SPTLC2: variants seen among roughly 807,000 people sequenced by gnomAD.
The protein encoded by SPTLC2 is serine palmitoyltransferase long chain base subunit 2.
A neutral mutation model predicts 62.0 loss-of-function variants in SPTLC2; 21 were observed. The ratio of observed to expected loss-of-function variants is 0.34; its 90% CI spans 0.24 to 0.49. The LOEUF is 0.49. Among genes scored for constraint, SPTLC2 ranks in the 20% least tolerant of loss-of-function variants. The probability of loss-of-function intolerance (pLI) is 0.99; values close to 1 mark genes in which losing one functional copy is unlikely to be tolerated. For synonymous variants in SPTLC2, 261 were observed against 261.8 expected, an observed-to-expected ratio of 1.00 and a Z score of 0.03; for missense variants, 511 against 713.0, an observed-to-expected ratio of 0.72 and a Z score of 3.23.
chr14:77,598,266 G>A (rs996810130), intron 1 of SPTLC2, among the ~76,000 whole-genome samples: 6 of 152,092 alleles, frequency 3.9e-5, no homozygotes, highest in Admixed American at 3.9e-4. Context: ...AAGAAGGACT[G>A]CATAAGAACA....
At chr14:77,570,276 A>T (rs1403571309) in intron 5 of SPTLC2, 108 bp downstream of exon 5, 2 of 1,433,678 alleles carry the variant, frequency 1.4e-6, no homozygotes, top group Admixed American at 1.9e-5. Flanking sequence ...CTTTGGCTAA[A>T]CTATGTTTAG....
At chr14:77,548,702 A>G (rs1566776350) in intron 9 of SPTLC2, among the ~76,000 whole-genome samples, 1 of 152,136 alleles carries the variant, frequency 6.6e-6, no homozygotes, top group East Asian at 1.9e-4. Context: ...AGATCTGTCA[A>G]CCTAGTCATA....
chr14:77,599,730 A>T lies in SPTLC2; in HGVS notation c.133-2350T>A, dbSNP rs747923673. On this transcript the variant is annotated intron_variant, in intron 1 of 11. Coordinates refer to ENST00000216484, the MANE Select transcript of SPTLC2 (RefSeq NM_004863.4). ...ACTTTTAAATGGGAGTAAGACTGTA[A>T]TGTGTTTAGAACAGAATACCTAAAA... Among the ~76,000 whole-genome samples, 21 of 152,370 alleles carry T rather than the reference A, an allele frequency of 1.4e-4. No individual in the cohort carries two copies. In the East Asian group the frequency reaches 3.5e-3, roughly 25 times the overall value.
intron 4 of SPTLC2, 131 bp from the exon 5 acceptor site, chr14:77,570,639 TTATGAAGAGTAA>T: frequency 3.9e-6 from 4 of 1,021,532 alleles, no homozygotes; most frequent in Non-Finnish European, 4.4e-6. Context: ...GGAGTCAATA[TTATGAAGAGTAA>T]TATTCTTCAT....
chr14:77,606,823 CACA>C (rs1342509304), intron 1 of SPTLC2, among the ~76,000 whole-genome samples: 4 of 152,070 alleles, frequency 2.6e-5, no homozygotes, highest in Non-Finnish European at 5.9e-5. Flanking sequence ...CCTATCTCTA[CACA>C]ACATTTTCAA....
intron 11 of SPTLC2, among the ~76,000 whole-genome samples, chr14:77,514,018 TAGTA>T (rs1480938358): frequency 6.7e-6 from 1 of 150,218 alleles, no homozygotes; most frequent in African/African-American, 2.5e-5. Context: ...CTGGGCAACA[TAGTA>T]AGACCTCGTC....
chr14:77,610,777 G>A (rs2079931156), intron 1 of SPTLC2, among the ~76,000 whole-genome samples: 2 of 151,640 alleles, frequency 1.3e-5, no homozygotes, highest in South Asian at 4.2e-4. Context: ...TGGGTGCGGT[G>A]GCTCACACCT....
chr14:77,545,817 C>T (rs750637178), intron 9 of SPTLC2, among the ~76,000 whole-genome samples: 3 of 152,098 alleles, frequency 2.0e-5, no homozygotes, highest in Non-Finnish European at 4.4e-5. Flanking sequence ...AACTCTGAAA[C>T]GAGGCACAAA....
In SPTLC2 at chr14:77,544,918, A is replaced by C. The variant is rs1350264965; in HGVS notation, c.1303+7178T>G. Among the ~76,000 whole-genome samples the C allele has an allele frequency of 2.0e-5, 3 of 151,964 alleles. 1 individual carries two copies. Among genetic ancestry groups the C allele is most frequent in the Non-Finnish European group, 4.4e-5 (3 of 67,990 alleles). On this transcript the variant is annotated intron_variant, in intron 9 of 11. Coordinates refer to ENST00000216484, the MANE Select transcript of SPTLC2 (RefSeq NM_004863.4). ...CTTACCCCTGATGTTTCCTCTTAGT[A>C]TTTTTCTATCTACTCACTCCCACCC...
intron 1 of SPTLC2, among the ~76,000 whole-genome samples, chr14:77,613,107 A>G (rs2079946833): frequency 6.6e-6 from 1 of 152,236 alleles, no homozygotes; most frequent in Non-Finnish European, 1.5e-5. Context: ...CAACCAAAAC[A>G]TGGCATTTAT....
intron 11 of SPTLC2, among the ~76,000 whole-genome samples, chr14:77,514,982 T>A (rs2079351578): frequency 6.6e-6 from 1 of 152,264 alleles, no homozygotes; most frequent in Non-Finnish European, 1.5e-5. Flanking sequence ...TTCACTCTTC[T>A]GCATCCAGCT....
chr14:77,567,992 C>A (rs1285031948), intron 5 of SPTLC2, among the ~76,000 whole-genome samples: 1 of 152,030 alleles, frequency 6.6e-6, no homozygotes, highest in Non-Finnish European at 1.5e-5. Context: ...CACCCCTAAG[C>A]ATTTTCTTTG....
chr14:77,564,811 T>C (rs933645585), intron 5 of SPTLC2, among the ~76,000 whole-genome samples: 3 of 117,950 alleles, frequency 2.5e-5, no homozygotes, highest in Non-Finnish European at 6.1e-5. Flanking sequence ...TGTTGAATTA[T>C]AAGCCAAATA....
chr14:77,545,371 ATTC>A (rs1462200090), intron 9 of SPTLC2, among the ~76,000 whole-genome samples: 3 of 151,374 alleles, frequency 2.0e-5, no homozygotes, highest in Non-Finnish European at 4.4e-5. Context: ...GGTTCAAGCC[ATTC>A]TCCTCCATCA....
chr14:77,510,784 CTT>C lies in SPTLC2; in HGVS notation c.*1498_*1499del, dbSNP rs2079328561. 6.6e-6 allele frequency: 1 copy of C among 152,502 alleles called. No individual in the cohort carries two copies. Among genetic ancestry groups the C allele is most frequent in the Admixed American group, 6.6e-5 (1 of 15,266 alleles). The allele number at this position is 152,502 out of a possible 1,614,324, so 9.4% of individuals were successfully genotyped here. On this transcript the variant is annotated 3_prime_UTR_variant, in exon 12 of 12. Transcript: ENST00000216484. Reference sequence around the variant, plus strand: ...CCACCGCACTCGGCCTGTAACATGACTTTCATACACTGTTTTTCCATTCTGTT... The same window carrying C: ...CCACCGCACTCGGCCTGTAACATGACTCATACACTGTTTTTCCATTCTGTT...
At chr14:77,609,018 G>A (rs543884813) in intron 1 of SPTLC2, among the ~76,000 whole-genome samples, 12 of 151,784 alleles carry the variant, frequency 7.9e-5, no homozygotes, top group South Asian at 2.1e-4. Flanking sequence ...CAGAAAGCCC[G>A]GATTGGCTAG....
At chr14:77,595,307 G>A (rs2140054547) in intron 2 of SPTLC2, among the ~76,000 whole-genome samples, 1 of 151,686 alleles carries the variant, frequency 6.6e-6, no homozygotes, top group Admixed American at 6.6e-5. Flanking sequence ...GGAGGTTGCA[G>A]TGAGCCGAGA....
At chr14:77,587,881 T>TAA (rs34274132) in intron 2 of SPTLC2, among the ~76,000 whole-genome samples, 145 of 150,066 alleles carry the variant, frequency 9.7e-4, no homozygotes, top group African/African-American at 3.3e-3. Context: ...GACAAGATAG[T>TAA]AAAAAAAAAA....
At chr14:77,574,111 A>G (rs2079700210) in intron 4 of SPTLC2, among the ~76,000 whole-genome samples, 1 of 152,222 alleles carries the variant, frequency 6.6e-6, no homozygotes, top group Non-Finnish European at 1.5e-5. Context: ...GAATTATGAG[A>G]CTAGACATTT....
Sources: allele counts gnomAD v4.1 joint callset (sites outside exome capture counted in the v4.1 genomes callset), GRCh38; gene constraint gnomAD v4.1.1; transcripts MANE v1.5; gene names NCBI Gene and HGNC (gene_info 2026-07-23, HGNC 2026-07-21).